The following DNAJC15 variants were observed in gnomAD, a reference collection of about 807,000 sequenced individuals.
DNAJC15 encodes the protein DnaJ heat shock protein family (Hsp40) member C15.
In DNAJC15, 27 loss-of-function variants were observed where a neutral mutation model predicts 22.4. That is an observed-to-expected ratio of 1.20 (90% CI 0.89 to 1.66). The LOEUF is 1.66. DNAJC15 is among the 40% of genes most tolerant of loss of function. The probability of loss-of-function intolerance (pLI) is 0.00; values close to 1 mark genes in which losing one functional copy is unlikely to be tolerated. For missense variants in DNAJC15, 208 were observed against 187.1 expected (o/e 1.11, Z -0.65); for synonymous variants, 79 against 63.2 (o/e 1.25, Z -1.19).
At chr13:43,038,892 G>A (rs2040441002) in intron 1 of DNAJC15, among the ~76,000 whole-genome samples, 1 of 152,022 alleles carries the variant, frequency 6.6e-6, no homozygotes, top group African/African-American at 2.4e-5. Context: ...CCAAGGACTG[G>A]TGCTAGGATC....
At position 43,068,968 on chromosome 13, in the gene DNAJC15, G is replaced by C. The variant is rs755248581; in HGVS notation, c.199G>C (p.Val67Leu). ...TCGGATCTGGAAACCTCTAGAACAA[G>C]TTATCACAGAAACTGCAAAGAAGAT... ...AFRIWKPLEQVITETAKKIST... is the reference protein window; with the variant it reads ...AFRIWKPLEQLITETAKKIST... Residue 67 changes from valine to leucine, a missense_variant, in exon 3 of 6, where the codon GTT becomes CTT. Physicochemically the swap from Val to Leu is conservative, Grantham distance 32. Coordinates refer to ENST00000379221, the MANE Select transcript of DNAJC15 (RefSeq NM_013238.3). 1 of 1,613,050 alleles carries C rather than the reference G, an allele frequency of 6.2e-7. No individual in the cohort carries two copies. Among genetic ancestry groups the C allele is most frequent in the South Asian group, 1.1e-5 (1 of 90,952 alleles).
intron 1 of DNAJC15, among the ~76,000 whole-genome samples, chr13:43,061,790 C>G (rs2040560460): frequency 6.6e-6 from 1 of 152,258 alleles, no homozygotes; most frequent in South Asian, 2.1e-4. Context: ...CAGCTCCTGC[C>G]AAGCCCCACC....
intron 1 of DNAJC15, among the ~76,000 whole-genome samples, chr13:43,027,634 A>C (rs1024469594): frequency 6.6e-6 from 1 of 151,958 alleles, no homozygotes; most frequent in African/African-American, 2.4e-5. Context: ...AATCACATGG[A>C]TTATGTACTG....
rs376910976 is a variant in DNAJC15 at position 43,024,337 on chromosome 13, G to GTTTTTTTTTTTT, written c.108+616_108+627dup. 7.5e-5 allele frequency among the ~76,000 whole-genome samples: 7 copies of GTTTTTTTTTTTT among 93,400 alleles called. 1 individual carries two copies. Among genetic ancestry groups the GTTTTTTTTTTTT allele is most frequent in the Non-Finnish European group, 1.2e-4 (6 of 51,476 alleles). 61.3% of individuals were successfully genotyped at this position (93,400 alleles called of 152,430 possible). A position where few individuals can be genotyped will look rare whatever the true frequency, so the allele number is the denominator to read the frequency against. Reference sequence around the variant, plus strand: ...TTGTGAGCCACATACGTATTTTTACGTTTTTTTTTTTTTTTTTTTTTTTTG... The same window carrying GTTTTTTTTTTTT: ...TTGTGAGCCACATACGTATTTTTACGTTTTTTTTTTTTTTTTTTTTTTTTTTTTTTTTTTTTG... On this transcript the variant is annotated intron_variant, in intron 1 of 5. Coordinates refer to ENST00000379221, the MANE Select transcript of DNAJC15 (RefSeq NM_013238.3).
intron 5 of DNAJC15, among the ~76,000 whole-genome samples, chr13:43,100,692 C>T (rs189378808): frequency 5.8e-4 from 88 of 152,240 alleles, no homozygotes; most frequent in African/African-American, 2.0e-3. Context: ...CTATTATATG[C>T]TCTGTCCTGG....
intron 1 of DNAJC15, among the ~76,000 whole-genome samples, chr13:43,042,356 CTG>C (rs888009854): frequency 1.1e-4 from 16 of 152,264 alleles, no homozygotes; most frequent in African/African-American, 3.9e-4. Context: ...GAAAGCAAAA[CTG>C]TAAGAGAGGA....
At chr13:43,100,453 C>T (rs1023353171) in intron 5 of DNAJC15, among the ~76,000 whole-genome samples, 3 of 151,828 alleles carry the variant, frequency 2.0e-5, no homozygotes, top group African/African-American at 4.8e-5. Context: ...TTAAGTGATC[C>T]GTGCCCCCCT....
chr13:43,053,887 G>T lies in DNAJC15; in HGVS notation c.109-11799G>T, dbSNP rs899429820. Among the ~76,000 whole-genome samples, 10 of 152,224 alleles carry T rather than the reference G, an allele frequency of 6.6e-5. No homozygotes were observed. In the South Asian group the frequency reaches 1.7e-3, roughly 25 times the overall value. On this transcript the variant is annotated intron_variant, in intron 1 of 5. Transcript: ENST00000379221. ...GTGACAGTTTGACCTCCTCTTTACC[G>T]ATTTGGATGCCCTTTATTTCCCTCT...
chr13:43,060,899 TC>T (rs1331661559), intron 1 of DNAJC15, among the ~76,000 whole-genome samples: 2 of 152,170 alleles, frequency 1.3e-5, no homozygotes, highest in Non-Finnish European at 2.9e-5. Context: ...AGTGAAAGTG[TC>T]TACCCAGACC....
intron 1 of DNAJC15, among the ~76,000 whole-genome samples, chr13:43,027,922 G>A (rs2040387631): frequency 6.6e-6 from 1 of 152,206 alleles, no homozygotes; most frequent in South Asian, 2.1e-4. Flanking sequence ...CTCCCGAAGT[G>A]CTGGGATTTC....
chr13:43,036,244 C>T (rs917614202), intron 1 of DNAJC15, among the ~76,000 whole-genome samples: 1 of 149,670 alleles, frequency 6.7e-6, no homozygotes, highest in African/African-American at 2.5e-5. Flanking sequence ...CAGCTCACTG[C>T]ACCTTCCACC....
intron 1 of DNAJC15, among the ~76,000 whole-genome samples, chr13:43,054,981 A>G (rs1487203595): frequency 2.0e-5 from 3 of 151,986 alleles, no homozygotes; most frequent in East Asian, 1.9e-4. Flanking sequence ...GTAATCACCA[A>G]ACTTCACAAT....
At chr13:43,081,618 T>G (rs1427091391) in intron 4 of DNAJC15, among the ~76,000 whole-genome samples, 2 of 151,860 alleles carry the variant, frequency 1.3e-5, no homozygotes, top group Non-Finnish European at 1.5e-5. Context: ...TTTTGTATTT[T>G]TAGTAGAGAC....
chr13:43,097,058 G>A (rs2040743209), intron 5 of DNAJC15, among the ~76,000 whole-genome samples: 1 of 152,158 alleles, frequency 6.6e-6, no homozygotes. Flanking sequence ...GTTTTGGGGT[G>A]GTTTGTTATG....
At chr13:43,040,108 ACC>A (rs1352736881) in intron 1 of DNAJC15, among the ~76,000 whole-genome samples, 3 of 152,216 alleles carry the variant, frequency 2.0e-5, no homozygotes, top group Non-Finnish European at 4.4e-5. Flanking sequence ...TCACTCCTAG[ACC>A]CAAATGAACC....
At chr13:43,057,376 T>A (rs1187719111) in intron 1 of DNAJC15, among the ~76,000 whole-genome samples, 2 of 152,168 alleles carry the variant, frequency 1.3e-5, no homozygotes, top group Non-Finnish European at 2.9e-5. Context: ...TTCTTTTTTC[T>A]ACTTGTTCGA....
intron 1 of DNAJC15, among the ~76,000 whole-genome samples, chr13:43,035,288 A>G (rs370542598): frequency 6.6e-6 from 1 of 152,164 alleles, no homozygotes; most frequent in East Asian, 1.9e-4. Flanking sequence ...CCTTTCTGCC[A>G]TTTGTCATTG....
chr13:43,097,999 CA>C (rs1355561430), intron 5 of DNAJC15, among the ~76,000 whole-genome samples: 1 of 152,048 alleles, frequency 6.6e-6, no homozygotes, highest in Admixed American at 6.6e-5. Context: ...GCTTATGAAT[CA>C]GGGGTAAGAA....
intron 1 of DNAJC15, among the ~76,000 whole-genome samples, chr13:43,027,916 C>T (rs2040387599): frequency 1.3e-5 from 2 of 152,298 alleles, no homozygotes; most frequent in Middle Eastern, 3.4e-3. Context: ...CTCAACCTCC[C>T]GAAGTGCTGG....
Sources: gnomAD v4.1 joint callset for allele counts (sites outside exome capture counted in the v4.1 genomes callset) on GRCh38, gnomAD v4.1.1 for gene constraint, MANE v1.5 for transcripts, NCBI Gene and HGNC (gene_info 2026-07-23, HGNC 2026-07-21) for gene names.